KDM2A: variants seen among roughly 807,000 people sequenced by gnomAD.
KDM2A encodes the protein lysine-specific demethylase 2A.
In KDM2A, 3 loss-of-function variants were observed where a neutral mutation model predicts 137.3. That is an observed-to-expected ratio of 0.02 (90% confidence interval 0.01 to 0.06). The LOEUF (loss-of-function observed/expected upper bound fraction) is 0.06. KDM2A is among the 10% of genes least tolerant of loss of function. The pLI is 1.00. For missense variants in KDM2A, 738 were observed against 1,510.6 expected, an observed-to-expected ratio of 0.49 and a Z score of 8.48; for synonymous variants, 512 against 541.5, an observed-to-expected ratio of 0.95 and a Z score of 0.76.
intron 2 of KDM2A, among the ~76,000 whole-genome samples, chr11:67,168,582 T>TAACACACACACAC (rs879358615): frequency 2.9e-5 from 1 of 33,984 alleles, no homozygotes; most frequent in East Asian, 8.1e-4. Context: ...GTATGAATTA[T>TAACACACACACAC]ACACACACAC....
chr11:67,181,232 ATAC>A, intron 3 of KDM2A, 85 bp from the exon 4 acceptor site: 1 of 757,600 alleles, frequency 1.3e-6, no homozygotes, highest in South Asian at 1.8e-5. Flanking sequence ...AACACCATTT[ATAC>A]TGTATTACTT....
chr11:67,146,931 T>C (rs117023542), intron 2 of KDM2A, among the ~76,000 whole-genome samples: 2 of 152,290 alleles, frequency 1.3e-5, no homozygotes, highest in East Asian at 3.9e-4. Flanking sequence ...AGGCACATAG[T>C]TTACTGATCT....
At position 67,215,342 on chromosome 11, in the gene KDM2A, G is replaced by T. The variant is rs935771388; in HGVS notation, c.489G>T (p.Val163=). The change falls in exon 7 of 21, where the codon GTG becomes GTT. Residue 163 remains valine (V), a splice_region_variant and synonymous_variant. Coordinates refer to ENST00000529006, the MANE Select transcript of KDM2A (RefSeq NM_012308.3). ...GTGTTTCCTCCTTCTATTTAAAGGT[G>T]GATTTCATTGACTGGGTAGACAACA... ...LENMVQRPST[V]DFIDWVDNMW... 2.5e-5 allele frequency: 41 copies of T among 1,608,392 alleles called. No homozygotes were observed. The highest frequency in any genetic ancestry group is 3.1e-5 in the Non-Finnish European group (37 of 1,175,450).
intron 2 of KDM2A, among the ~76,000 whole-genome samples, chr11:67,133,953 A>G (rs1411976651): frequency 2.0e-5 from 3 of 152,114 alleles, no homozygotes; most frequent in Non-Finnish European, 4.4e-5. Flanking sequence ...CGGCCTCCCA[A>G]AGTGCTAGGA....
chr11:67,213,893 C>T (rs1441274085), intron 6 of KDM2A, among the ~76,000 whole-genome samples: 1 of 151,960 alleles, frequency 6.6e-6, no homozygotes, highest in East Asian at 1.9e-4. Flanking sequence ...TTGAGACAGT[C>T]TTGCCCTGTT....
intron 2 of KDM2A, among the ~76,000 whole-genome samples, chr11:67,161,947 AG>A (rs2136317361): frequency 6.6e-6 from 1 of 152,212 alleles, no homozygotes; most frequent in African/African-American, 2.4e-5. Context: ...GCTTTTTCAG[AG>A]ATTCAACTCA....
intron 2 of KDM2A, among the ~76,000 whole-genome samples, chr11:67,157,701 C>T (rs1856549164): frequency 6.7e-6 from 1 of 149,484 alleles, no homozygotes; most frequent in Non-Finnish European, 1.5e-5. Flanking sequence ...GCTGAGATGG[C>T]GCCACTGCAC....
At chr11:67,152,759 C>T (rs1856422680) in intron 2 of KDM2A, among the ~76,000 whole-genome samples, 1 of 152,102 alleles carries the variant, frequency 6.6e-6, no homozygotes, top group Non-Finnish European at 1.5e-5. Context: ...TCATATGGAT[C>T]ATTCCATAGC....
In KDM2A at chr11:67,213,001, C is replaced by T. The variant is rs527268476; in HGVS notation, c.487-2339C>T. On this transcript the variant is annotated intron_variant, in intron 6 of 20. Transcript: ENST00000529006. ...CAGGGCTTATTCAATGTTCTGGGACCGGCGGATGCTTGGTTAAAATTGTTG... is the reference window on the plus strand; with the variant it reads ...CAGGGCTTATTCAATGTTCTGGGACTGGCGGATGCTTGGTTAAAATTGTTG... Among the ~76,000 whole-genome samples, 3 of 152,248 alleles carry T rather than the reference C, an allele frequency of 2.0e-5. No homozygotes were observed. The South Asian group carries it at 6.2e-4, about 32-fold the overall frequency.
chr11:67,144,845 T>G (rs1474258866), intron 2 of KDM2A, among the ~76,000 whole-genome samples: 1 of 151,864 alleles, frequency 6.6e-6, no homozygotes, highest in Non-Finnish European at 1.5e-5. Flanking sequence ...GGATTATAGG[T>G]GTGAGCCATC....
At chr11:67,197,835 A>G (rs1047629273) in intron 5 of KDM2A, among the ~76,000 whole-genome samples, 4 of 152,086 alleles carry the variant, frequency 2.6e-5, no homozygotes, top group African/African-American at 9.7e-5. Context: ...AGAGGCACCA[A>G]CCCCCAGCAA....
intron 2 of KDM2A, among the ~76,000 whole-genome samples, chr11:67,173,881 A>AT (rs565189444): frequency 2.5e-3 from 355 of 143,958 alleles, no homozygotes; most frequent in African/African-American, 5.9e-3. Flanking sequence ...AATTTAAACA[A>AT]TTTTTTTTTT....
chr11:67,143,931 C>T (rs1359318415), intron 2 of KDM2A, among the ~76,000 whole-genome samples: 2 of 150,526 alleles, frequency 1.3e-5, no homozygotes, highest in Non-Finnish European at 2.9e-5. Context: ...TGTGCCTGGC[C>T]TTAAAAAAAA....
At chr11:67,139,272 T>C (rs1565373773) in intron 2 of KDM2A, among the ~76,000 whole-genome samples, 1 of 151,118 alleles carries the variant, frequency 6.6e-6, no homozygotes, top group South Asian at 2.1e-4. Context: ...TGAGACGGAG[T>C]CTCGCTTTGT....
chr11:67,148,662 G>A (rs912539715), intron 2 of KDM2A, among the ~76,000 whole-genome samples: 2 of 151,994 alleles, frequency 1.3e-5, no homozygotes, highest in African/African-American at 2.4e-5. Flanking sequence ...TGAACTGGGC[G>A]TGGTGGTGGG....
At chr11:67,223,517 C>T (rs574470021) in intron 10 of KDM2A, among the ~76,000 whole-genome samples, 1 of 152,168 alleles carries the variant, frequency 6.6e-6, no homozygotes, top group African/African-American at 2.4e-5. Flanking sequence ...ATCCTTCTGC[C>T]TCAGCCTCCT....
rs987024894 is a variant in KDM2A at position 67,239,962 on chromosome 11, A to T, written c.1480-3047A>T. 1.3e-4 allele frequency: 124 copies of T among 942,540 alleles called. No individual in the cohort carries two copies. In the African/African-American group the frequency reaches 1.9e-3, roughly 14 times the overall value. The allele number at this position is 942,540 out of a possible 1,614,324, so 58.4% of individuals were successfully genotyped here. A position where few individuals can be genotyped will look rare whatever the true frequency, so the allele number is the denominator to read the frequency against. ...GAGGAAGAAAGCAGTTGCTGAACACACCCCCTCCCGGCTCTGCAGCAGAAC... is the reference window on the plus strand; with the variant it reads ...GAGGAAGAAAGCAGTTGCTGAACACTCCCCCTCCCGGCTCTGCAGCAGAAC... On this transcript the variant is annotated intron_variant, in intron 12 of 20. Coordinates refer to ENST00000529006, the MANE Select transcript of KDM2A (RefSeq NM_012308.3).
chr11:67,165,415 C>T (rs935596609), intron 2 of KDM2A, among the ~76,000 whole-genome samples: 3 of 152,138 alleles, frequency 2.0e-5, no homozygotes, highest in African/African-American at 7.2e-5. Flanking sequence ...AGCCACCGCA[C>T]CCAGCTTAGA....
intron 2 of KDM2A, among the ~76,000 whole-genome samples, chr11:67,125,842 G>T (rs1855711419): frequency 6.6e-6 from 1 of 151,122 alleles, no homozygotes; most frequent in African/African-American, 2.4e-5. Context: ...TACTCAGGAG[G>T]CTGAGTCAGG....
Sources: gnomAD v4.1 joint callset for allele counts (sites outside exome capture counted in the v4.1 genomes callset) on GRCh38, gnomAD v4.1.1 for gene constraint, MANE v1.5 for transcripts, NCBI Gene and HGNC (gene_info 2026-07-23, HGNC 2026-07-21) for gene names.